The following SPATA13 variants were observed in gnomAD, a reference collection of about 807,000 sequenced individuals.
The protein encoded by SPATA13 is spermatogenesis-associated protein 13.
SPATA13 carries 50 observed loss-of-function variants against 104.0 expected under a neutral mutation model. The observed-to-expected ratio is 0.48, with a 90% CI of 0.38 to 0.61. The LOEUF is 0.61. SPATA13 is among the 20% of genes least tolerant of loss of function. The pLI, the probability that SPATA13 is intolerant of heterozygous loss-of-function variation, is 0.00. For synonymous variants in SPATA13, 606 were observed against 667.5 expected, an observed-to-expected ratio of 0.91 and a Z score of 1.42; for missense variants, 1,524 against 1,690.6, an observed-to-expected ratio of 0.90 and a Z score of 1.73.
intron 2 of SPATA13, among the ~76,000 whole-genome samples, chr13:23,986,963 G>A (rs967653536): frequency 6.0e-5 from 9 of 150,478 alleles, no homozygotes; most frequent in Admixed American, 1.3e-4. Context: ...AATTTGACAA[G>A]TTTCAAATCT....
chr13:24,018,235 G>T (rs1876805950), intron 3 of SPATA13, among the ~76,000 whole-genome samples: 1 of 152,174 alleles, frequency 6.6e-6, no homozygotes, highest in African/African-American at 2.4e-5. Flanking sequence ...TCATAAATAT[G>T]ACATACTTAA....
chr13:24,021,871 C>T (rs1304441962), intron 3 of SPATA13, among the ~76,000 whole-genome samples: 2 of 151,892 alleles, frequency 1.3e-5, no homozygotes, highest in African/African-American at 4.8e-5. Flanking sequence ...GCCACCACGC[C>T]TGACTAATTT....
intron 1 of SPATA13, among the ~76,000 whole-genome samples, chr13:24,203,278 G>A (rs750799927): frequency 3.9e-5 from 6 of 152,088 alleles, no homozygotes; most frequent in Non-Finnish European, 8.8e-5. Flanking sequence ...TGTAGAGGAT[G>A]TAAATTAGTG....
intron 3 of SPATA13, among the ~76,000 whole-genome samples, chr13:24,141,067 C>G (rs2138457068): frequency 6.6e-6 from 1 of 151,788 alleles, no homozygotes; most frequent in East Asian, 1.9e-4. Flanking sequence ...CCCAGCTACT[C>G]AGGAGGCTGA....
chr13:24,251,354 C>G (rs899842110), intron 3 of SPATA13: 1 of 609,302 alleles, frequency 1.6e-6, no homozygotes, highest in African/African-American at 2.0e-5. Context: ...AGAGGCCACC[C>G]CTGGGAAAGC....
intron 4 of SPATA13, among the ~76,000 whole-genome samples, chr13:24,283,880 A>G (rs1280488786): frequency 2.6e-5 from 4 of 152,234 alleles, no homozygotes; most frequent in African/African-American, 9.6e-5. Flanking sequence ...TACACATAAT[A>G]TCCTGATGGT....
At chr13:24,248,883 CTTTT>C (rs57863513) in intron 2 of SPATA13, among the ~76,000 whole-genome samples, 1 of 144,128 alleles carries the variant, frequency 6.9e-6, no homozygotes, top group African/African-American at 2.6e-5. Context: ...TGCTGATTTT[CTTTT>C]TTTTTTTTTT....
Position 24,088,281 on chromosome 13 carries a change from G to A in SPATA13, c.-112+70580G>A, listed in dbSNP as rs1203699979. 6.6e-6 allele frequency among the ~76,000 whole-genome samples: 1 copy of A among 152,136 alleles called. No individual in the cohort carries two copies. The highest frequency in any genetic ancestry group is 1.5e-5 in the Non-Finnish European group (1 of 68,018). ...TGCATTCTACAGATGAGCACACCGAGGCTCAGAGCGGTAAGGAATTGGCCC... is the reference window on the plus strand; with the variant it reads ...TGCATTCTACAGATGAGCACACCGAAGCTCAGAGCGGTAAGGAATTGGCCC... On this transcript the variant is annotated intron_variant, in intron 3 of 14. Transcript: ENST00000424834. The surrounding 1 kb of genome is among the most constrained non-coding windows in gnomAD (Gnocchi z 4.3).
intron 12 of SPATA13, among the ~76,000 whole-genome samples, chr13:24,300,844 A>T (rs1357207784): frequency 1.3e-5 from 2 of 152,304 alleles, no homozygotes; most frequent in East Asian, 3.9e-4. Context: ...TCTTTTAGGC[A>T]TGAGAGGACA....
chr13:24,101,091 A>G (rs1880242436), intron 3 of SPATA13, among the ~76,000 whole-genome samples: 1 of 152,130 alleles, frequency 6.6e-6, no homozygotes, highest in African/African-American at 2.4e-5. Context: ...CATACACTTG[A>G]GTGTGCAGGG....
At chr13:24,156,965 A>G (rs901131137), upstream of SPATA13, among the ~76,000 whole-genome samples, 2 of 152,162 alleles carry the variant, frequency 1.3e-5, no homozygotes, top group Non-Finnish European at 2.9e-5. Context: ...GGAGGCTGCT[A>G]GATGAAGATA....
Position 24,223,422 on chromosome 13 carries a change from G to C in SPATA13, c.493G>C (p.Ala165Pro). 6.4e-7 allele frequency: 1 copy of C among 1,551,134 alleles called. No individual in the cohort carries two copies. Among genetic ancestry groups the C allele is most frequent in the South Asian group, 1.2e-5 (1 of 84,064 alleles). The change falls in exon 2 of 13, where the codon GCA becomes CCA. Residue 165 changes from alanine (A) to proline (P), a missense_variant. Ala to Pro is a conservative substitution (Grantham distance 27). Coordinates refer to ENST00000382108, the MANE Select transcript of SPATA13 (RefSeq NM_001166271.3). ...CCAGGCAAGCAGGGGCTCCCCCTTA[G>C]CACCGGGACCAGCATGTGGTGCCCT... The part of the protein sequence containing the change: ...GAQASRGSPL[A>P]PGPACGALRP...
chr13:24,041,052 A>G (rs1877907337), intron 3 of SPATA13, among the ~76,000 whole-genome samples: 1 of 152,324 alleles, frequency 6.6e-6, no homozygotes, highest in South Asian at 2.1e-4. Context: ...CTGTGAAACA[A>G]CAAATACAGC....
intron 1 of SPATA13, among the ~76,000 whole-genome samples, chr13:24,207,222 T>C (rs1036138818): frequency 2.0e-5 from 3 of 151,846 alleles, no homozygotes; most frequent in South Asian, 2.1e-4. Flanking sequence ...TGTCTGAGGG[T>C]TGGGGATGCA....
At chr13:24,247,511 C>T (rs1262997338) in intron 2 of SPATA13, among the ~76,000 whole-genome samples, 3 of 89,960 alleles carry the variant, frequency 3.3e-5, no homozygotes, top group African/African-American at 7.1e-5. Flanking sequence ...ACAGAGTCTC[C>T]TTCTGTCACC....
intron 3 of SPATA13, among the ~76,000 whole-genome samples, chr13:24,125,721 G>A (rs567015048): frequency 6.6e-6 from 1 of 152,268 alleles, no homozygotes; most frequent in South Asian, 2.1e-4. Flanking sequence ...CATTTTGGAG[G>A]TGAGGAATAA....
At position 24,297,435 on chromosome 13, in the gene SPATA13, A is replaced by C; in HGVS notation, c.3283A>C (p.Lys1095Gln). Residue 1095 changes from lysine (K) to glutamine (Q), a missense_variant, in exon 11 of 13, where the codon AAA (lysine) becomes CAA (glutamine). Physicochemically the swap from Lys to Gln is moderately conservative, Grantham distance 53 (BLOSUM62 1). Around this residue, in one of 2 missense-constraint regions of SPATA13, gnomAD observed 435 missense variants for 554.8 expected, o/e 0.78. Coordinates refer to ENST00000382108, the MANE Select transcript of SPATA13 (RefSeq NM_001166271.3). ...GELTKITKQG[K>Q]SQQRTFFLFD... ...GCTGACCAAAATCACTAAGCAAGGC[A>C]AAAGCCAGCAGCGGACGTTCTTCCT... 6.2e-7 allele frequency: 1 copy of C among 1,614,172 alleles called. No homozygotes were observed. The highest frequency in any genetic ancestry group is 1.6e-4 in the Middle Eastern group (1 of 6,062).
At chr13:24,016,561 A>C (rs1383232067) in intron 2 of SPATA13, among the ~76,000 whole-genome samples, 1 of 152,094 alleles carries the variant, frequency 6.6e-6, no homozygotes, top group Non-Finnish European at 1.5e-5. Flanking sequence ...CGCTGGGTTC[A>C]CCTTGACCTC....
Position 24,133,091 on chromosome 13 carries a change from C to G in SPATA13, c.-111-89728C>G, listed in dbSNP as rs547687221. 5.9e-5 allele frequency among the ~76,000 whole-genome samples: 9 copies of G among 152,262 alleles called. No individual in the cohort carries two copies. The South Asian group carries it at 1.4e-3, about 25-fold the overall frequency. On this transcript the variant is annotated intron_variant, in intron 3 of 14. Transcript: ENST00000424834. Reference sequence around the variant, plus strand: ...GGAGCCAACATTAGCAATGGATTCCCACGTATTTCCAGCGGGCAGGTGGGT... The same window carrying G: ...GGAGCCAACATTAGCAATGGATTCCGACGTATTTCCAGCGGGCAGGTGGGT...
Sources: allele counts gnomAD v4.1 joint callset (sites outside exome capture counted in the v4.1 genomes callset), GRCh38; gene constraint gnomAD v4.1.1; regional missense constraint gnomAD v4.1.1; non-coding constraint Gnocchi (gnomAD v3.1); transcripts MANE v1.5; gene names NCBI Gene and HGNC (gene_info 2026-07-23, HGNC 2026-07-21).